Variants in JAM3 observed in about 807,000 individuals in gnomAD.
The protein encoded by JAM3 is junctional adhesion molecule 3.
Under a neutral mutation model 39.4 loss-of-function variants are expected in JAM3, and 31 were observed. The ratio of observed to expected loss-of-function variants is 0.79; its 90% CI spans 0.59 to 1.06. The LOEUF is 1.06. Ranked by LOEUF, JAM3 falls within the 50% of genes least tolerant of loss-of-function variation. The probability of loss-of-function intolerance (pLI) is 0.00; values close to 1 mark genes in which losing one functional copy is unlikely to be tolerated. For missense variants in JAM3, 455 were observed against 391.4 expected (o/e 1.16, Z -1.37); for synonymous variants, 182 against 148.7 (o/e 1.22, Z -1.63).
intron 1 of JAM3, among the ~76,000 whole-genome samples, chr11:134,096,707 A>G (rs1236444556): frequency 6.6e-6 from 1 of 152,084 alleles, no homozygotes; most frequent in African/African-American, 2.4e-5. Flanking sequence ...GTTTCCAGCT[A>G]TGGTTTGCTT....
intron 1 of JAM3, among the ~76,000 whole-genome samples, chr11:134,071,311 G>A (rs978636638): frequency 5.9e-5 from 9 of 152,134 alleles, no homozygotes; most frequent in Admixed American, 2.0e-4. Context: ...GACCCTTGTC[G>A]GGAGTGTTAT....
At chr11:134,079,414 C>T (rs958276673) in intron 1 of JAM3, among the ~76,000 whole-genome samples, 1 of 152,168 alleles carries the variant, frequency 6.6e-6, no homozygotes, top group African/African-American at 2.4e-5. Flanking sequence ...ATTCCGTTCT[C>T]CACAGGATGA....
At chr11:134,117,669 TGATATGACAGTGG>T (rs1218460588) in intron 1 of JAM3, among the ~76,000 whole-genome samples, 2 of 152,238 alleles carry the variant, frequency 1.3e-5, no homozygotes, top group Non-Finnish European at 2.9e-5. Context: ...TTCCTCTTGT[TGATATGACAGTGG>T]GATATGACAG....
chr11:134,135,746 G>T (rs1270009171), intron 1 of JAM3, among the ~76,000 whole-genome samples: 1 of 151,834 alleles, frequency 6.6e-6, no homozygotes, highest in Non-Finnish European at 1.5e-5. Flanking sequence ...ATCTAGACAG[G>T]TATCTAGTAT....
intron 1 of JAM3, among the ~76,000 whole-genome samples, chr11:134,127,149 G>C (rs75906224): frequency 0.01 from 1,556 of 152,334 alleles, 22 homozygotes; most frequent in African/African-American, 0.035. Flanking sequence ...TAGAAAGAGT[G>C]TTAGACATGG....
chr11:134,082,170 G>T (rs528323001), intron 1 of JAM3, among the ~76,000 whole-genome samples: 20 of 152,364 alleles, frequency 1.3e-4, no homozygotes, highest in African/African-American at 4.8e-4. Context: ...ATTTGGAATG[G>T]CTTTATTTAC....
chr11:134,069,266 T>C (rs1207088481), intron 1 of JAM3, 107 bp downstream of exon 1: 2 of 1,436,332 alleles, frequency 1.4e-6, no homozygotes, highest in South Asian at 1.2e-5. Flanking sequence ...CGGTCCTGGC[T>C]CCGAGGGCTC....
At chr11:134,144,694 G>T (rs759233232) in intron 4 of JAM3, 98 bp from the exon 5 acceptor site, 31 of 1,138,368 alleles carry the variant, frequency 2.7e-5, no homozygotes, top group Non-Finnish European at 4.0e-5. Flanking sequence ...GGAACCCCTC[G>T]ACTGGCTGTC....
chr11:134,100,310 C>G (rs1341862611), intron 1 of JAM3, among the ~76,000 whole-genome samples: 1 of 152,154 alleles, frequency 6.6e-6, no homozygotes, highest in Non-Finnish European at 1.5e-5. Flanking sequence ...GCATAACATA[C>G]AGTGTTCTTT....
intron 1 of JAM3, among the ~76,000 whole-genome samples, chr11:134,101,646 TACTC>T (rs1282108865): frequency 3.9e-5 from 6 of 152,250 alleles, no homozygotes; most frequent in Non-Finnish European, 7.3e-5. Flanking sequence ...TTTGGTATAA[TACTC>T]TACTACCACA....
intron 1 of JAM3, among the ~76,000 whole-genome samples, chr11:134,101,033 T>C (rs1302934423): frequency 6.6e-6 from 1 of 152,244 alleles, no homozygotes; most frequent in African/African-American, 2.4e-5. Context: ...TACATGTTGC[T>C]GTGCCTGGTG....
chr11:134,146,064 G>C lies in JAM3; in HGVS notation c.712+19G>C. The C allele has an allele frequency of 6.5e-7, 1 of 1,526,958 alleles. No individual in the cohort carries two copies. Among genetic ancestry groups the C allele is most frequent in the Non-Finnish European group, 9.1e-7 (1 of 1,100,554 alleles). The allele number at this position is 1,526,958 out of a possible 1,614,324, so 94.6% of individuals were successfully genotyped here. A position where few individuals can be genotyped will look rare whatever the true frequency, so the allele number is the denominator to read the frequency against. On this transcript the variant is annotated intron_variant, in intron 6 of 8. Transcript: ENST00000299106. ...GAAGTCTGTGAGTTTCTTTTTTGAAGAGGTTTCATCGCAAGACTGGGAAGT... is the reference window on the plus strand; with the variant it reads ...GAAGTCTGTGAGTTTCTTTTTTGAACAGGTTTCATCGCAAGACTGGGAAGT...
intron 1 of JAM3, among the ~76,000 whole-genome samples, chr11:134,086,197 T>C (rs1037076518): frequency 1.3e-5 from 2 of 152,200 alleles, no homozygotes; most frequent in African/African-American, 2.4e-5. Context: ...ATATAAAATG[T>C]TATTCTCTGC....
In JAM3 at chr11:134,149,187, G is replaced by A. The variant is rs779156661; in HGVS notation, c.*6G>A. 1.7e-5 allele frequency: 28 copies of A among 1,613,980 alleles called. No individual in the cohort carries two copies. In the South Asian group the frequency reaches 1.8e-4, roughly 10 times the overall value. ...AGTCATCGTTTGTGATCTGAGACCC[G>A]CGGTGTGGCTGAGAGCGCACAGAGC... On this transcript the variant is annotated 3_prime_UTR_variant, in exon 9 of 9. Coordinates refer to ENST00000299106, the MANE Select transcript of JAM3 (RefSeq NM_032801.5).
intron 1 of JAM3, among the ~76,000 whole-genome samples, chr11:134,138,196 ATAC>A (rs1942905174): frequency 8.1e-6 from 1 of 123,820 alleles, no homozygotes. Context: ...CGTGGTGCTC[ATAC>A]TGAGAGAAAT....
intron 1 of JAM3, among the ~76,000 whole-genome samples, chr11:134,114,178 G>T (rs1433875515): frequency 6.6e-6 from 1 of 152,168 alleles, no homozygotes; most frequent in Non-Finnish European, 1.5e-5. Context: ...CTTTTGCTGT[G>T]CAGAAGCTCT....
intron 1 of JAM3, among the ~76,000 whole-genome samples, chr11:134,094,928 T>C (rs2120657075): frequency 6.6e-6 from 1 of 152,368 alleles, no homozygotes; most frequent in South Asian, 2.1e-4. Context: ...ACTGAATATA[T>C]TAATAAATGA....
chr11:134,077,650 CTTTTTT>C (rs71038558), intron 1 of JAM3, among the ~76,000 whole-genome samples: 10 of 102,046 alleles, frequency 9.8e-5, no homozygotes, highest in South Asian at 6.6e-4. Flanking sequence ...TGGCTGGCGC[CTTTTTT>C]TTTTTTTTTT....
chr11:134,070,640 A>T (rs947296241), intron 1 of JAM3, among the ~76,000 whole-genome samples: 2 of 152,260 alleles, frequency 1.3e-5, no homozygotes, highest in African/African-American at 4.8e-5. Context: ...TGTTGGTCAC[A>T]CTGACACTGT....
Sources: allele counts gnomAD v4.1 joint callset (sites outside exome capture counted in the v4.1 genomes callset), GRCh38; gene constraint gnomAD v4.1.1; transcripts MANE v1.5; gene names NCBI Gene and HGNC (gene_info 2026-07-23, HGNC 2026-07-21).